ACER1: variants seen among roughly 807,000 people sequenced by gnomAD.
The protein encoded by ACER1 is CTB-180A7.3.
A neutral mutation model predicts 24.9 loss-of-function variants in ACER1; 28 were observed. The observed-to-expected ratio is 1.13, with a 90% CI of 0.83 to 1.54. The LOEUF is 1.54. ACER1 is among the 40% of genes most tolerant of loss of function. ACER1 has a pLI of 0.00. For missense variants in ACER1, 352 were observed against 349.3 expected, an observed-to-expected ratio of 1.01 and a Z score of -0.06; for synonymous variants, 132 against 131.4, an observed-to-expected ratio of 1.00 and a Z score of -0.03.
At chr19:6,322,833 G>A (rs560046238) in intron 1 of ACER1, among the ~76,000 whole-genome samples, 94 of 152,192 alleles carry the variant, frequency 6.2e-4, no homozygotes, top group Middle Eastern at 3.4e-3. Flanking sequence ...AGTTTCAGCC[G>A]GGCGTGGTGG....
upstream of ACER1, among the ~76,000 whole-genome samples, chr19:6,333,968 C>T (rs1263215111): frequency 1.3e-5 from 2 of 152,138 alleles, no homozygotes; most frequent in Non-Finnish European, 2.9e-5. Context: ...CAGCCTCAAA[C>T]TCCCAGGCTC....
chr19:6,333,383 C>G, intron 1 of ACER1, 76 bp downstream of exon 1: 1 of 1,271,472 alleles, frequency 7.9e-7, no homozygotes, highest in South Asian at 1.4e-5. Context: ...CAAGATTCCC[C>G]AGTAAGGCTG....
the ACER1 span, among the ~76,000 whole-genome samples, chr19:6,354,346 G>C: frequency 5.9e-5 from 9 of 152,040 alleles, no homozygotes; most frequent in East Asian, 9.7e-4. Flanking sequence ...GGGTGGGGGT[G>C]CTCCTGTTAT....
the ACER1 span, among the ~76,000 whole-genome samples, chr19:6,358,799 G>C: frequency 6.7e-6 from 1 of 149,138 alleles, no homozygotes; most frequent in East Asian, 2.0e-4. Context: ...TGGGCGTGGT[G>C]GTGGGCGCCT....
At chr19:6,326,001 C>A (rs770074375) in intron 1 of ACER1, among the ~76,000 whole-genome samples, 9 of 149,796 alleles carry the variant, frequency 6.0e-5, no homozygotes, top group Non-Finnish European at 1.2e-4. Flanking sequence ...GTCCCTCAGG[C>A]TGGAGTGAAG....
chr19:6,317,077 G>A (rs151332538), intron 1 of ACER1, among the ~76,000 whole-genome samples: 9,623 of 148,534 alleles, frequency 0.065, 352 homozygotes, highest in East Asian at 0.12. Context: ...GGGTTCAAGC[G>A]ATTCTCCTGC....
At chr19:6,334,014 G>C (rs2091702705), upstream of ACER1, among the ~76,000 whole-genome samples, 1 of 152,036 alleles carries the variant, frequency 6.6e-6, no homozygotes, top group South Asian at 2.1e-4. Flanking sequence ...GAAGTAGCCA[G>C]GACCACAGGC....
chr19:6,327,434 G>A (rs1004056342), intron 1 of ACER1, among the ~76,000 whole-genome samples: 21 of 151,900 alleles, frequency 1.4e-4, no homozygotes, highest in East Asian at 1.4e-3. Flanking sequence ...GGGTGGTGAC[G>A]GGCGTCTGTA....
upstream of ACER1, among the ~76,000 whole-genome samples, chr19:6,336,004 G>A (rs538278450): frequency 6.6e-6 from 1 of 150,766 alleles, no homozygotes; most frequent in East Asian, 2.0e-4. Flanking sequence ...AGGTTCCAGC[G>A]ATTCCCCTGC....
upstream of ACER1, among the ~76,000 whole-genome samples, chr19:6,335,578 C>A (rs1468407416): frequency 6.6e-6 from 1 of 151,996 alleles, no homozygotes; most frequent in Non-Finnish European, 1.5e-5. Context: ...CGCCTGTAAT[C>A]CTAGTGCTTT....
upstream of ACER1, among the ~76,000 whole-genome samples, chr19:6,333,956 C>T (rs902023968): frequency 1.3e-5 from 2 of 151,970 alleles, no homozygotes; most frequent in Admixed American, 6.6e-5. Flanking sequence ...CATAGCTCAC[C>T]GCAGCCTCAA....
intron 1 of ACER1, among the ~76,000 whole-genome samples, chr19:6,327,496 C>T (rs1174288791): frequency 6.6e-5 from 10 of 151,732 alleles, no homozygotes; most frequent in Non-Finnish European, 1.2e-4. Context: ...ACCCGGGAGG[C>T]GGAGCTTGCA....
intron 1 of ACER1, among the ~76,000 whole-genome samples, chr19:6,314,427 G>T (rs1486603413): frequency 6.7e-6 from 1 of 148,210 alleles, no homozygotes; most frequent in Non-Finnish European, 1.5e-5. Flanking sequence ...CCGAGATCAC[G>T]CCATCGCACT....
chr19:6,308,197 G>A (rs944618326), intron 4 of ACER1, among the ~76,000 whole-genome samples: 4 of 152,282 alleles, frequency 2.6e-5, no homozygotes, highest in Admixed American at 1.3e-4. Flanking sequence ...CACTTTGGGA[G>A]GCCGAGGCGG....
the ACER1 span, among the ~76,000 whole-genome samples, chr19:6,347,654 G>A: frequency 6.6e-6 from 1 of 151,414 alleles, no homozygotes; most frequent in African/African-American, 2.4e-5. Context: ...TGACCAACAT[G>A]GCAAAAGCCT....
the ACER1 span, among the ~76,000 whole-genome samples, chr19:6,349,305 A>G: frequency 6.6e-6 from 1 of 150,492 alleles, no homozygotes. Context: ...GGGAGCCCCC[A>G]TCTCTACAAA....
At chr19:6,328,158 T>C (rs1459049868) in intron 1 of ACER1, among the ~76,000 whole-genome samples, 2 of 151,236 alleles carry the variant, frequency 1.3e-5, no homozygotes. Context: ...TACAGTGGCA[T>C]AGTTGCGTAG....
intron 1 of ACER1, among the ~76,000 whole-genome samples, chr19:6,321,801 G>A (rs1394899581): frequency 6.6e-6 from 1 of 151,970 alleles, no homozygotes; most frequent in Non-Finnish European, 1.5e-5. Context: ...TAGTAGAGAC[G>A]GGGTTTCACC....
At chr19:6,326,329 T>C (rs1392985811) in intron 1 of ACER1, among the ~76,000 whole-genome samples, 1 of 151,950 alleles carries the variant, frequency 6.6e-6, no homozygotes, top group Non-Finnish European at 1.5e-5. Flanking sequence ...GGTTTCACCG[T>C]GTTAGCCAGG....
Sources: allele counts gnomAD v4.1 joint callset (sites outside exome capture counted in the v4.1 genomes callset), GRCh38; gene constraint gnomAD v4.1.1; transcripts MANE v1.5; gene names NCBI Gene and HGNC (gene_info 2026-07-23, HGNC 2026-07-21).